The following OCIAD2 variants were observed in gnomAD, a reference collection of about 807,000 sequenced individuals.
OCIAD2 encodes OCIA domain containing 2.
A neutral mutation model predicts 22.9 loss-of-function variants in OCIAD2; 29 were observed. The ratio of observed to expected loss-of-function variants is 1.27; its 90% CI spans 0.94 to 1.73. The LOEUF is 1.73. Among genes scored for constraint, OCIAD2 ranks in the 40% most tolerant of loss-of-function variants. The probability of loss-of-function intolerance (pLI) is 0.00; values close to 1 mark genes in which losing one functional copy is unlikely to be tolerated. For missense variants in OCIAD2, 189 were observed against 180.3 expected (o/e 1.05, Z -0.28); for synonymous variants, 67 against 60.2 (o/e 1.11, Z -0.52).
chr4:48,902,751 C>T lies in OCIAD2; in HGVS notation c.66+1733G>A, dbSNP rs879754277. ...GCAGATCACTTGAGGTCAGGAGTTCCAGACCAGCCTCGCCAACATGGTGAA... is the reference window on the plus strand; with the variant it reads ...GCAGATCACTTGAGGTCAGGAGTTCTAGACCAGCCTCGCCAACATGGTGAA... On this transcript the variant is annotated intron_variant, in intron 2 of 6. Transcript: ENST00000508632. 3.9e-4 allele frequency among the ~76,000 whole-genome samples: 60 copies of T among 152,060 alleles called. 1 individual carries two copies. Among genetic ancestry groups the T allele is most frequent in the Non-Finnish European group, 4.1e-4 (28 of 68,002 alleles).
At chr4:48,903,643 T>TC (rs1401998200) in intron 2 of OCIAD2, among the ~76,000 whole-genome samples, 2 of 150,716 alleles carry the variant, frequency 1.3e-5, no homozygotes, top group African/African-American at 4.9e-5. Context: ...GGGTTTTTTT[T>TC]TTTTTTTTTT....
At chr4:48,901,958 G>A (rs549144965) in intron 2 of OCIAD2, among the ~76,000 whole-genome samples, 4 of 152,040 alleles carry the variant, frequency 2.6e-5, no homozygotes, top group South Asian at 2.1e-4. Flanking sequence ...TGGGGGGGGC[G>A]TTCTCACTAT....
At chr4:48,905,800 G>A (rs1206966877) in intron 1 of OCIAD2, among the ~76,000 whole-genome samples, 10 of 152,190 alleles carry the variant, frequency 6.6e-5, no homozygotes, top group Non-Finnish European at 1.3e-4. Flanking sequence ...TGCCCTGCAC[G>A]GGAAAGTACT....
chr4:48,900,475 C>CT (rs536268143), intron 2 of OCIAD2, among the ~76,000 whole-genome samples: 90 of 147,006 alleles, frequency 6.1e-4, no homozygotes, highest in African/African-American at 2.0e-3. Context: ...AATCTGGATG[C>CT]TTTTTTTTTT....
chr4:48,887,385 TG>T (rs1781021479), intron 6 of OCIAD2, among the ~76,000 whole-genome samples: 1 of 152,242 alleles, frequency 6.6e-6, no homozygotes, highest in South Asian at 2.1e-4. Context: ...CCATTGCTTT[TG>T]GTGTTTTAGA....
rs147460075 is a variant in OCIAD2, at chr4:48,888,674, C to G, written c.384-3109G>C. 6.6e-5 allele frequency among the ~76,000 whole-genome samples: 10 copies of G among 152,284 alleles called. No homozygotes were observed. In the East Asian group the frequency reaches 1.2e-3, roughly 18 times the overall value. ...CGTATGTTCAACCAGTCTTGCATCCCAGGGATGAAGCCCACTTGATCATGG... is the reference window on the plus strand; with the variant it reads ...CGTATGTTCAACCAGTCTTGCATCCGAGGGATGAAGCCCACTTGATCATGG... On this transcript the variant is annotated intron_variant, in intron 6 of 6. Transcript: ENST00000508632.
intron 6 of OCIAD2, among the ~76,000 whole-genome samples, chr4:48,885,805 A>C (rs1780969708): frequency 6.6e-6 from 1 of 152,188 alleles, no homozygotes; most frequent in Non-Finnish European, 1.5e-5. Flanking sequence ...TATTAGAAAT[A>C]TAGTCTATGC....
At chr4:48,896,762 C>T (rs1781311363) in intron 4 of OCIAD2, among the ~76,000 whole-genome samples, 1 of 76,544 alleles carries the variant, frequency 1.3e-5, no homozygotes, top group African/African-American at 4.3e-5. Flanking sequence ...AGCAAGACCT[C>T]GTCTCATTTA....
chr4:48,886,320 G>C (rs1395472682), intron 6 of OCIAD2, among the ~76,000 whole-genome samples: 2 of 151,974 alleles, frequency 1.3e-5, no homozygotes, highest in Non-Finnish European at 2.9e-5. Flanking sequence ...TGCTGTTTTG[G>C]TTACTGTAGC....
At chr4:48,886,314 G>A (rs1389500068) in intron 6 of OCIAD2, among the ~76,000 whole-genome samples, 1 of 152,094 alleles carries the variant, frequency 6.6e-6, no homozygotes, top group Non-Finnish European at 1.5e-5. Context: ...GTACCATGCT[G>A]TTTTGGTTAC....
rs1179976261 is a variant in OCIAD2, at chr4:48,892,849, G to A, written c.306C>T (p.Tyr102=). 6.2e-7 allele frequency: 1 copy of A among 1,611,456 alleles called. No individual in the cohort carries two copies. The highest frequency in any genetic ancestry group is 8.5e-7 in the Non-Finnish European group (1 of 1,178,606). Residue 102 remains tyrosine (Y), a synonymous_variant, in exon 6 of 7, where the codon TAC becomes TAT. Coordinates refer to ENST00000508632, the MANE Select transcript of OCIAD2 (RefSeq NM_001014446.3). ...LLGFGLGKVS[Y]IGVCQSKFHF... is the part of the protein sequence containing the mutation. ...GGAATTTACTCTGGCATACTCCTAT[G>A]TATGATACCTTTCCAAGGCCAAATC...
chr4:48,905,046 A>G (rs1332292606), intron 1 of OCIAD2, among the ~76,000 whole-genome samples: 1 of 152,212 alleles, frequency 6.6e-6, no homozygotes. Flanking sequence ...CTAAGCTTTC[A>G]GGAGGATCTG....
intron 6 of OCIAD2, among the ~76,000 whole-genome samples, chr4:48,890,508 C>A (rs974948208): frequency 1.3e-5 from 2 of 152,080 alleles, no homozygotes; most frequent in South Asian, 4.2e-4. Context: ...CATATGTGCA[C>A]ATATATATAC....
chr4:48,895,142 A>C (rs942677852), intron 4 of OCIAD2, among the ~76,000 whole-genome samples: 1 of 152,200 alleles, frequency 6.6e-6, no homozygotes. Flanking sequence ...GAAGCCCAAG[A>C]GCCTCCAGAA....
chr4:48,904,765 C>T lies in OCIAD2; in HGVS notation c.-62-154G>A, dbSNP rs188702696. On this transcript the variant is annotated intron_variant, in intron 1 of 6. Transcript: ENST00000508632. The stretch of plus-strand genomic sequence containing the variant: ...CTCAACTTCCAGTGCTCCTCTTCCA[C>T]CAGCACACATACATGCACTCACTAA... The T allele has an allele frequency of 3.0e-5, 18 of 602,816 alleles. No homozygotes were observed. The East Asian group carries it at 4.8e-4, about 16-fold the overall frequency. 37.3% of individuals were successfully genotyped at this position (602,816 alleles called of 1,614,324 possible).
chr4:48,899,713 A>T, intron 3 of OCIAD2, 116 bp downstream of exon 3: 1 of 687,636 alleles, frequency 1.5e-6, no homozygotes, highest in Non-Finnish European at 2.4e-6. Context: ...ATCCCTGAAT[A>T]TCAGAGTTCA....
At chr4:48,892,608 A>G (rs907422628) in intron 6 of OCIAD2, among the ~76,000 whole-genome samples, 164 bp downstream of exon 6, 3 of 152,244 alleles carry the variant, frequency 2.0e-5, no homozygotes, top group African/African-American at 7.2e-5. Flanking sequence ...GTGTAATAAC[A>G]AAGTTATTAT....
intron 6 of OCIAD2, among the ~76,000 whole-genome samples, chr4:48,887,437 C>T (rs1412630238): frequency 2.6e-5 from 4 of 152,122 alleles, no homozygotes; most frequent in Admixed American, 2.6e-4. Flanking sequence ...AATGGTATTG[C>T]CTAGGTTTTC....
intron 1 of OCIAD2, among the ~76,000 whole-genome samples, chr4:48,906,374 T>G (rs2109689597): frequency 6.6e-6 from 1 of 152,212 alleles, no homozygotes; most frequent in East Asian, 1.9e-4. Flanking sequence ...GGGGGGCGCC[T>G]GCAGGGCTGG....
Sources: allele counts gnomAD v4.1 joint callset (sites outside exome capture counted in the v4.1 genomes callset), GRCh38; gene constraint gnomAD v4.1.1; transcripts MANE v1.5; gene names NCBI Gene and HGNC (gene_info 2026-07-23, HGNC 2026-07-21).